Variants in PLCH1 observed in about 807,000 individuals in gnomAD.
The protein encoded by PLCH1 is 1-phosphatidylinositol 4,5-bisphosphate phosphodiesterase eta-1.
PLCH1 carries 60 observed loss-of-function variants against 126.7 expected under a neutral mutation model. The ratio of observed to expected loss-of-function variants is 0.47; its 90% CI spans 0.38 to 0.59. The LOEUF (loss-of-function observed/expected upper bound fraction) is 0.59, where lower values mean the gene tolerates loss of function less well. Among genes scored for constraint, PLCH1 ranks in the 20% least tolerant of loss-of-function variants. The pLI, the probability that PLCH1 is intolerant of heterozygous loss-of-function variation, is 0.00. For synonymous variants in PLCH1, 719 were observed against 734.9 expected (o/e 0.98, Z 0.35); for missense variants, 1,723 against 2,040.0 (o/e 0.84, Z 2.99).
chr3:155,477,170 A>G (rs1257589314), downstream of PLCH1, among the ~76,000 whole-genome samples: 1 of 152,202 alleles, frequency 6.6e-6, no homozygotes, highest in Non-Finnish European at 1.5e-5. Context: ...CTCTTCAATA[A>G]GCAGTACTGG....
chr3:155,500,677 T>G (rs978704617), intron 14 of PLCH1, 26 bp downstream of exon 14: 4 of 1,430,980 alleles, frequency 2.8e-6, no homozygotes, highest in Non-Finnish European at 9.9e-7. Context: ...GGAGTGTGAG[T>G]AGGAAACATG....
intron 6 of PLCH1, among the ~76,000 whole-genome samples, chr3:155,568,766 G>GTGTGTGTGTGTGTGTGTGTGTGTA: frequency 6.6e-6 from 1 of 151,878 alleles, no homozygotes; most frequent in African/African-American, 2.4e-5. Flanking sequence ...GTGTGTGTGT[G>GTGTGTGTGTGTGTGTGTGTGTGTA]TGTGTGTGTG....
At position 155,487,556 on chromosome 3, in the gene PLCH1, A is replaced by G. The variant is rs151060732; in HGVS notation, c.2619+472T>C. On this transcript the variant is annotated intron_variant, in intron 21 of 22. Transcript: ENST00000460012. ...TAGGTAGCTTTAAAATCCATTCACA[A>G]TTTTTAGATTTTCAGTTAAAAACAT... Among the ~76,000 whole-genome samples the G allele has an allele frequency of 1.5e-3, 235 of 152,280 alleles. 1 individual carries two copies. Among genetic ancestry groups the G allele is most frequent in the African/African-American group, 5.4e-3 (223 of 41,558 alleles).
chr3:155,663,237 T>C (rs1157527322), intron 2 of PLCH1, among the ~76,000 whole-genome samples: 1 of 152,238 alleles, frequency 6.6e-6, no homozygotes, highest in Admixed American at 6.5e-5. Flanking sequence ...TTGTGTTTTC[T>C]ACATCCTCTT....
intron 12 of PLCH1, among the ~76,000 whole-genome samples, chr3:155,510,087 T>C (rs1469582116): frequency 5.0e-5 from 1 of 20,052 alleles, no homozygotes; most frequent in Non-Finnish European, 7.4e-5. Context: ...TCTTGTTGAA[T>C]TGATCCCTTT....
intron 2 of PLCH1, among the ~76,000 whole-genome samples, chr3:155,628,176 T>C (rs1559866157): frequency 6.6e-6 from 1 of 151,318 alleles, no homozygotes. Context: ...TAAAAAGGGG[T>C]TCAGGGATAC....
chr3:155,567,470 G>A lies in PLCH1; in HGVS notation c.865+761C>T, dbSNP rs564227131. On this transcript the variant is annotated intron_variant, in intron 7 of 22. Transcript: ENST00000460012. ...AACCCCCCTTGTTCACACTGATCTG[G>A]GAGCAGAAGAAATGAGGGGGCCAAC... Among the ~76,000 whole-genome samples the A allele has an allele frequency of 5.9e-5, 9 of 152,230 alleles. 1 individual carries two copies. The South Asian group carries it at 1.7e-3, about 28-fold the overall frequency.
chr3:155,679,566 C>T (rs976618940), intron 2 of PLCH1, among the ~76,000 whole-genome samples: 1 of 152,136 alleles, frequency 6.6e-6, no homozygotes, highest in African/African-American at 2.4e-5. Context: ...TTCTATACAA[C>T]CCTCCCCCCA....
intron 1 of PLCH1, among the ~76,000 whole-genome samples, chr3:155,737,356 G>T (rs2109203567): frequency 6.6e-6 from 1 of 151,510 alleles, no homozygotes; most frequent in East Asian, 2.0e-4. Flanking sequence ...TGTTGAGACA[G>T]GGTCTCAATC....
At chr3:155,550,237 T>C (rs766215516) in intron 9 of PLCH1, among the ~76,000 whole-genome samples, 8 of 152,286 alleles carry the variant, frequency 5.3e-5, no homozygotes, top group Non-Finnish European at 7.4e-5. Context: ...GTAGATATAT[T>C]ATGTTTCTTT....
intron 14 of PLCH1, among the ~76,000 whole-genome samples, chr3:155,498,822 G>C (rs1227628719): frequency 6.6e-6 from 1 of 151,928 alleles, no homozygotes; most frequent in African/African-American, 2.4e-5. Context: ...CCACTCATAG[G>C]ATCTCCTCTG....
chr3:155,525,663 C>T (rs538783383), intron 10 of PLCH1, among the ~76,000 whole-genome samples: 2 of 152,062 alleles, frequency 1.3e-5, no homozygotes, highest in African/African-American at 4.8e-5. Context: ...GACAATGCAG[C>T]GAGACTCCTG....
intron 10 of PLCH1, among the ~76,000 whole-genome samples, chr3:155,534,024 G>A (rs957524915): frequency 1.3e-5 from 2 of 152,216 alleles, no homozygotes; most frequent in African/African-American, 4.8e-5. Context: ...AAGGCAGTAT[G>A]GAAGAGAAAT....
chr3:155,482,186 A>G lies in PLCH1; in HGVS notation c.3840T>C (p.Asp1280=), dbSNP rs115360115. 3.7e-4 allele frequency: 598 copies of G among 1,614,194 alleles called. 2 individuals are homozygous for G. The African/African-American group carries it at 6.8e-3, about 18-fold the overall frequency. Residue 1280 remains aspartate (D), a synonymous_variant, in exon 23 of 23, where the codon GAT becomes GAC. Transcript: ENST00000460012. ...TCTPISKTKP[D]DDLSSKAKTA... ...TCTTGGCCTTACTAGAAAGGTCATC[A>G]TCTGGTTTGGTTTTAGAGATGGGAG... is the stretch of plus-strand genomic sequence containing the variant.
intron 6 of PLCH1, among the ~76,000 whole-genome samples, chr3:155,575,481 T>A (rs1729808990): frequency 1.3e-5 from 2 of 152,130 alleles, no homozygotes; most frequent in African/African-American, 4.8e-5. Flanking sequence ...AATGTATAGA[T>A]CTATATCAGA....
At chr3:155,550,023 T>C in intron 9 of PLCH1, 65 bp from the exon 10 acceptor site, 1 of 1,164,142 alleles carries the variant, frequency 8.6e-7, no homozygotes, top group Non-Finnish European at 1.2e-6. Flanking sequence ...CTTTTGAAAA[T>C]GATTCAGTAT....
intron 11 of PLCH1, among the ~76,000 whole-genome samples, chr3:155,516,289 C>T (rs16825058): frequency 0.089 from 13,528 of 152,174 alleles, 659 homozygotes; most frequent in African/African-American, 0.11. Flanking sequence ...ATAAGGAACA[C>T]GGCATTACTA....
rs946316936 is a variant in PLCH1, at chr3:155,482,309, G to C, written c.3717C>G (p.Ser1239=). The C allele has an allele frequency of 2.5e-6, 4 of 1,614,058 alleles. No individual in the cohort carries two copies. In the African/African-American group the frequency reaches 4.0e-5, roughly 16 times the overall value. The change falls in exon 23 of 23, where the codon TCC becomes TCG. Residue 1239 remains serine, a synonymous_variant. Transcript: ENST00000460012. ...PIKHGFCKGK[S]KSSFLCSSPE... is the part of the protein sequence containing the mutation. ...GAGATGAGCACAGGAAGGAAGACTTGGATTTTCCCTTGCAAAAACCATGCT... is the reference window on the plus strand; with the variant it reads ...GAGATGAGCACAGGAAGGAAGACTTCGATTTTCCCTTGCAAAAACCATGCT...
intron 15 of PLCH1, 49 bp downstream of exon 15, chr3:155,497,271 G>A (rs1717177412): frequency 3.2e-6 from 4 of 1,246,108 alleles, no homozygotes; most frequent in Non-Finnish European, 4.7e-6. Flanking sequence ...GAAAAAGAAA[G>A]GTCAAGAATG....
Sources: gnomAD v4.1 joint callset for allele counts (sites outside exome capture counted in the v4.1 genomes callset) on GRCh38, gnomAD v4.1.1 for gene constraint, MANE v1.5 for transcripts, NCBI Gene and HGNC (gene_info 2026-07-23, HGNC 2026-07-21) for gene names.